The following GPC5 variants were observed in gnomAD, a reference collection of about 807,000 sequenced individuals.
GPC5 encodes glypican-5.
Under a neutral mutation model 53.9 loss-of-function variants are expected in GPC5, and 47 were observed. That is an observed-to-expected ratio of 0.87 (90% confidence interval 0.69 to 1.11). The LOEUF is 1.11. Ranked by LOEUF, GPC5 falls within the 50% of genes most tolerant of loss-of-function variation. The pLI is 0.00. For synonymous variants in GPC5, 286 were observed against 263.3 expected (o/e 1.09, Z -0.84); for missense variants, 748 against 713.1 (o/e 1.05, Z -0.56).
At chr13:92,384,880 A>G (rs894440830) in intron 7 of GPC5, among the ~76,000 whole-genome samples, 6 of 152,090 alleles carry the variant, frequency 3.9e-5, no homozygotes, top group African/African-American at 1.2e-4. Flanking sequence ...ATTGCTAGAT[A>G]TATATTCAGT....
chr13:92,249,203 G>A (rs1023035217), intron 7 of GPC5, among the ~76,000 whole-genome samples: 10 of 152,056 alleles, frequency 6.6e-5, no homozygotes, highest in African/African-American at 2.4e-4. Flanking sequence ...ATTTTAAAAT[G>A]TACAATAAAT....
chr13:91,432,481 T>C (rs1879571263), intron 1 of GPC5, among the ~76,000 whole-genome samples: 1 of 152,174 alleles, frequency 6.6e-6, no homozygotes, highest in South Asian at 2.1e-4. Flanking sequence ...CTGGAAAAAC[T>C]GTACTCAATC....
At chr13:92,185,192 G>T (rs767349666) in intron 7 of GPC5, among the ~76,000 whole-genome samples, 2 of 152,074 alleles carry the variant, frequency 1.3e-5, no homozygotes, top group Non-Finnish European at 2.9e-5. Context: ...ACCTTTATCA[G>T]CTTCAGTTAG....
Position 91,515,798 on chromosome 13 carries a change from T to G in GPC5, c.325+66876T>G, listed in dbSNP as rs577941674. ...CATCTGTTTTAGTCTGTTTTCACGC[T>G]TCTGATAAAGACATACCCAAGCCTG... On this transcript the variant is annotated intron_variant, in intron 2 of 7. Transcript: ENST00000377067. 2.0e-5 allele frequency among the ~76,000 whole-genome samples: 3 copies of G among 152,096 alleles called. No individual in the cohort carries two copies. The South Asian group carries it at 6.2e-4, about 32-fold the overall frequency.
At chr13:92,179,984 A>C (rs1015895765) in intron 7 of GPC5, among the ~76,000 whole-genome samples, 2 of 152,238 alleles carry the variant, frequency 1.3e-5, no homozygotes, top group African/African-American at 2.4e-5. Context: ...AATGTAGACT[A>C]TGGACTTCGG....
intron 6 of GPC5, among the ~76,000 whole-genome samples, chr13:92,142,668 G>A (rs1340812965): frequency 6.6e-6 from 1 of 152,080 alleles, no homozygotes; most frequent in South Asian, 2.1e-4. Context: ...CTTTCTGTTT[G>A]TGTTTTTGAG....
chr13:92,654,955 A>G (rs1249674928), intron 7 of GPC5, among the ~76,000 whole-genome samples: 1 of 152,186 alleles, frequency 6.6e-6, no homozygotes, highest in Non-Finnish European at 1.5e-5. Flanking sequence ...ACACAGGCAC[A>G]TGGAGGAGAT....
At chr13:92,289,146 C>G (rs1184418901) in intron 7 of GPC5, among the ~76,000 whole-genome samples, 1 of 150,922 alleles carries the variant, frequency 6.6e-6, no homozygotes, top group Non-Finnish European at 1.5e-5. Context: ...TGGAAGCTAT[C>G]TGGCCTAAAT....
intron 5 of GPC5, among the ~76,000 whole-genome samples, chr13:91,803,467 G>A (rs760661246): frequency 6.6e-5 from 10 of 151,878 alleles, no homozygotes; most frequent in African/African-American, 1.7e-4. Flanking sequence ...CTGGTCATAC[G>A]TATGTATGTG....
At chr13:91,447,604 T>G (rs1880895631) in intron 1 of GPC5, among the ~76,000 whole-genome samples, 1 of 152,100 alleles carries the variant, frequency 6.6e-6, no homozygotes, top group African/African-American at 2.4e-5. Context: ...GAACCAACTT[T>G]TGGAAATTTG....
chr13:92,475,543 C>G (rs1879079507), intron 7 of GPC5, among the ~76,000 whole-genome samples: 1 of 151,454 alleles, frequency 6.6e-6, no homozygotes, highest in Non-Finnish European at 1.5e-5. Context: ...GATTTTTGTA[C>G]ATTGATTTTG....
intron 2 of GPC5, among the ~76,000 whole-genome samples, chr13:91,532,900 A>C (rs569868981): frequency 1.3e-5 from 2 of 152,270 alleles, no homozygotes; most frequent in East Asian, 3.9e-4. Flanking sequence ...GATATAAAGT[A>C]AAAGATCTTG....
At chr13:92,350,212 TTAGTA>T (rs1398364367) in intron 7 of GPC5, among the ~76,000 whole-genome samples, 27 of 152,006 alleles carry the variant, frequency 1.8e-4, no homozygotes, top group African/African-American at 6.0e-4. Flanking sequence ...CTCACCAAAT[TTAGTA>T]TAGAAAGAGT....
intron 2 of GPC5, among the ~76,000 whole-genome samples, chr13:91,624,699 AAAGT>A (rs2033953801): frequency 6.6e-6 from 1 of 152,040 alleles, no homozygotes; most frequent in African/African-American, 2.4e-5. Flanking sequence ...ATAATAAAAT[AAAGT>A]TAGTAATAAA....
Position 92,093,418 on chromosome 13 carries a change from G to A in GPC5, c.1402-51412G>A, listed in dbSNP as rs1426422927. ...TACATATATATGTATAGATGTGCAA[G>A]TATATGTATATCTACATGTATATAA... On this transcript the variant is annotated intron_variant, in intron 6 of 7. Transcript: ENST00000377067. 2.6e-5 allele frequency among the ~76,000 whole-genome samples: 4 copies of A among 152,112 alleles called. No individual in the cohort carries two copies. In the East Asian group the frequency reaches 7.7e-4, roughly 29 times the overall value.
intron 7 of GPC5, among the ~76,000 whole-genome samples, chr13:92,566,792 G>A (rs1374279510): frequency 6.6e-6 from 1 of 151,912 alleles, no homozygotes; most frequent in Non-Finnish European, 1.5e-5. Flanking sequence ...AATCAGAGAG[G>A]CCAAACTACA....
intron 6 of GPC5, among the ~76,000 whole-genome samples, chr13:92,009,850 G>A (rs1472217981): frequency 6.6e-6 from 1 of 152,108 alleles, no homozygotes; most frequent in Non-Finnish European, 1.5e-5. Context: ...TCATAGTTCT[G>A]TGCTTCCTAC....
At chr13:92,229,389 G>C (rs1298757928) in intron 7 of GPC5, among the ~76,000 whole-genome samples, 1 of 152,010 alleles carries the variant, frequency 6.6e-6, no homozygotes, top group Non-Finnish European at 1.5e-5. Context: ...GGTTAATTGA[G>C]AGATGGAACA....
chr13:92,753,788 T>C (rs1414836836), intron 7 of GPC5, among the ~76,000 whole-genome samples: 1 of 151,572 alleles, frequency 6.6e-6, no homozygotes, highest in South Asian at 2.1e-4. Context: ...AAAAAAAGAA[T>C]AAAAAGAAAT....
Sources: allele counts gnomAD v4.1 joint callset (sites outside exome capture counted in the v4.1 genomes callset), GRCh38; gene constraint gnomAD v4.1.1; transcripts MANE v1.5; gene names NCBI Gene and HGNC (gene_info 2026-07-23, HGNC 2026-07-21).